RIC1: variants seen among roughly 807,000 people sequenced by gnomAD.
RIC1 encodes the protein guanine nucleotide exchange factor subunit RIC1.
In RIC1, 88 loss-of-function variants were observed where a neutral mutation model predicts 169.0. That is an observed-to-expected ratio of 0.52 (90% CI 0.44 to 0.62). The LOEUF (loss-of-function observed/expected upper bound fraction) is 0.62. Among genes scored for constraint, RIC1 ranks in the 20% least tolerant of loss-of-function variants. RIC1 has a pLI of 0.00. For missense variants in RIC1, 1,877 were observed against 1,725.5 expected, an observed-to-expected ratio of 1.09 and a Z score of -1.56; for synonymous variants, 790 against 601.5, an observed-to-expected ratio of 1.31 and a Z score of -4.59.
chr9:5,642,330 C>G (rs1413517876), intron 1 of RIC1, among the ~76,000 whole-genome samples: 2 of 143,826 alleles, frequency 1.4e-5, no homozygotes, highest in African/African-American at 2.9e-5. Flanking sequence ...TGAAACTAAG[C>G]TGGGTTAGAC....
At chr9:5,773,906 C>T in intron 25 of RIC1, 52 bp from the exon 26 acceptor site, 1 of 1,486,154 alleles carries the variant, frequency 6.7e-7, no homozygotes, top group South Asian at 1.3e-5. Flanking sequence ...TAATGTTCTA[C>T]CAAACCTTTT....
chr9:5,709,161 C>G (rs1365086239), intron 3 of RIC1, among the ~76,000 whole-genome samples: 1 of 152,142 alleles, frequency 6.6e-6, no homozygotes, highest in Admixed American at 6.5e-5. Flanking sequence ...ATCACTTCCC[C>G]TCATATTTTA....
chr9:5,722,466 T>G (rs1823665713), intron 6 of RIC1, among the ~76,000 whole-genome samples: 1 of 151,558 alleles, frequency 6.6e-6, no homozygotes, highest in South Asian at 2.1e-4. Flanking sequence ...ATGTAAATAT[T>G]TCTTCACATA....
intron 1 of RIC1, among the ~76,000 whole-genome samples, chr9:5,631,502 A>T (rs765236516): frequency 2.0e-5 from 3 of 152,062 alleles, no homozygotes; most frequent in Non-Finnish European, 4.4e-5. Context: ...CCTGGCCAAC[A>T]TGGTGAAATC....
At chr9:5,753,668 A>T (rs776527501) in intron 14 of RIC1, 22 bp downstream of exon 14, 1 of 1,250,264 alleles carries the variant, frequency 8.0e-7, no homozygotes, top group African/African-American at 1.5e-5. Flanking sequence ...TTGAGATTAA[A>T]AACCTATTTC....
chr9:5,668,061 A>G (rs1262619908), intron 2 of RIC1, among the ~76,000 whole-genome samples: 1 of 152,192 alleles, frequency 6.6e-6, no homozygotes, highest in Non-Finnish European at 1.5e-5. Flanking sequence ...TCATGGCAGC[A>G]GGGGAAACAA....
chr9:5,755,777 T>A (rs118148110), intron 15 of RIC1, among the ~76,000 whole-genome samples: 3,698 of 151,938 alleles, frequency 0.024, 69 homozygotes, highest in Non-Finnish European at 0.037. Flanking sequence ...GCAAAAATTA[T>A]CCAGGTATGG....
At chr9:5,769,921 A>ATG (rs2131139417) in intron 22 of RIC1, among the ~76,000 whole-genome samples, 166 bp from the exon 23 acceptor site, 1 of 152,304 alleles carries the variant, frequency 6.6e-6, no homozygotes, top group East Asian at 1.9e-4. Context: ...ACACAATCCC[A>ATG]TGTCTCTAGT....
intron 2 of RIC1, among the ~76,000 whole-genome samples, chr9:5,687,609 A>G (rs924764750): frequency 6.6e-6 from 1 of 152,136 alleles, no homozygotes; most frequent in Non-Finnish European, 1.5e-5. Context: ...AAGCTTCAAA[A>G]TATTTGTGGG....
Position 5,769,057 on chromosome 9 carries a change from G to A in RIC1, c.3225G>A (p.Arg1075=). 6.2e-7 allele frequency: 1 copy of A among 1,614,034 alleles called. No individual in the cohort carries two copies. Among genetic ancestry groups the A allele is most frequent in the Non-Finnish European group, 8.5e-7 (1 of 1,179,966 alleles). Residue 1075 remains arginine, a synonymous_variant, in exon 22 of 26, where the codon AGG becomes AGA. Transcript: ENST00000414202. The part of the protein sequence containing the change: ...RHARRLLEDV[R]LKDLGCFAAQ... ...CTCGGCGCCTCTTAGAAGATGTGAG[G>A]TTAAAGGACCTTGGCTGCTTTGCAG...
intron 3 of RIC1, among the ~76,000 whole-genome samples, chr9:5,712,168 T>C (rs1384696502): frequency 6.6e-6 from 1 of 152,228 alleles, no homozygotes; most frequent in African/African-American, 2.4e-5. Flanking sequence ...TCCACAATAG[T>C]TGAACTAGTT....
chr9:5,725,624 T>A (rs1823924116), intron 6 of RIC1, among the ~76,000 whole-genome samples: 1 of 152,200 alleles, frequency 6.6e-6, no homozygotes, highest in Admixed American at 6.5e-5. Flanking sequence ...CTGCTCCTGC[T>A]TCTCTAGTTC....
intron 3 of RIC1, among the ~76,000 whole-genome samples, chr9:5,711,802 A>C (rs1822943660): frequency 6.6e-6 from 1 of 151,878 alleles, no homozygotes; most frequent in Non-Finnish European, 1.5e-5. Flanking sequence ...TTCAATTCCC[A>C]CCTATGAGTG....
chr9:5,751,465 C>G (rs966251073), intron 12 of RIC1, among the ~76,000 whole-genome samples: 1 of 151,786 alleles, frequency 6.6e-6, no homozygotes, highest in Non-Finnish European at 1.5e-5. Context: ...AGGTGATTCT[C>G]CTGCGTCAGC....
At chr9:5,665,029 T>C (rs1586905739) in intron 2 of RIC1, among the ~76,000 whole-genome samples, 2 of 152,192 alleles carry the variant, frequency 1.3e-5, no homozygotes, top group African/African-American at 4.8e-5. Flanking sequence ...TCTCCCACTA[T>C]TATTGTGTGG....
Position 5,763,496 on chromosome 9 carries a change from C to G in RIC1, c.2469C>G (p.Thr823=). Reference sequence around the variant, plus strand: ...TCCCTTTCTGTGTTGTGGAGAGAACCTCTCAGATCTACCTCCACCACATTC... The same window carrying G: ...TCCCTTTCTGTGTTGTGGAGAGAACGTCTCAGATCTACCTCCACCACATTC... ...VLFPFCVVER[T]SQIYLHHILR... The change falls in exon 19 of 26, where the codon ACC becomes ACG. Residue 823 remains threonine, a synonymous_variant. Transcript: ENST00000414202. This position sits in a 1 kb window ranked among gnomAD's most constrained non-coding sequence, Gnocchi z 5.2. 2.5e-6 allele frequency: 4 copies of G among 1,614,140 alleles called. No homozygotes were observed. The highest frequency in any genetic ancestry group is 3.4e-6 in the Non-Finnish European group (4 of 1,180,018).
At position 5,683,197 on chromosome 9, in the gene RIC1, G is replaced by A. The variant is rs1022730979; in HGVS notation, c.253-6762G>A. On this transcript the variant is annotated intron_variant, in intron 2 of 25. Coordinates refer to ENST00000414202, the MANE Select transcript of RIC1 (RefSeq NM_020829.4). Reference sequence around the variant, plus strand: ...TGTTACATTGTTTGTGAGGAGCTGCGTTCCTTTGGAGGAGAAGAGGCACTC... The same window carrying A: ...TGTTACATTGTTTGTGAGGAGCTGCATTCCTTTGGAGGAGAAGAGGCACTC... Among the ~76,000 whole-genome samples, 5 of 152,262 alleles carry A rather than the reference G, an allele frequency of 3.3e-5. No homozygotes were observed. The East Asian group carries it at 5.8e-4, about 18-fold the overall frequency.
At chr9:5,661,662 G>C (rs1005027776) in intron 2 of RIC1, among the ~76,000 whole-genome samples, 1 of 152,158 alleles carries the variant, frequency 6.6e-6, no homozygotes, top group Admixed American at 6.5e-5. Context: ...GAATGCTAAT[G>C]ATTTTTGCAC....
intron 1 of RIC1, among the ~76,000 whole-genome samples, chr9:5,645,173 C>T (rs987421034): frequency 7.9e-5 from 12 of 152,088 alleles, no homozygotes; most frequent in African/African-American, 2.9e-4. Flanking sequence ...TCCACCCCAG[C>T]CTCCCTAGTA....
Sources: gnomAD v4.1 joint callset for allele counts (sites outside exome capture counted in the v4.1 genomes callset) on GRCh38, gnomAD v4.1.1 for gene constraint, Gnocchi (gnomAD v3.1) non-coding constraint, MANE v1.5 for transcripts, NCBI Gene and HGNC (gene_info 2026-07-23, HGNC 2026-07-21) for gene names.